Variants in APOB observed in about 807,000 individuals in gnomAD.
The protein encoded by APOB is apolipoprotein B-100.
A neutral mutation model predicts 314.1 loss-of-function variants in APOB; 153 were observed. The observed-to-expected ratio is 0.49, with a 90% confidence interval of 0.43 to 0.56. The LOEUF (loss-of-function observed/expected upper bound fraction) is 0.56, where lower values mean the gene tolerates loss of function less well. Ranked by LOEUF, APOB falls within the 20% of genes least tolerant of loss-of-function variation. APOB has a pLI of 0.00. For missense variants in APOB, 5,430 were observed against 5,350.7 expected, an observed-to-expected ratio of 1.01 and a Z score of -0.46; for synonymous variants, 2,087 against 2,036.4, an observed-to-expected ratio of 1.02 and a Z score of -0.67.
chr2:21,019,569 C>T (rs1481678829), intron 19 of APOB, among the ~76,000 whole-genome samples, 154 bp downstream of exon 19: 3 of 152,164 alleles, frequency 2.0e-5, no homozygotes, highest in Non-Finnish European at 4.4e-5. Context: ...AATGTGTTGG[C>T]CAGAGGACCC....
At chr2:21,017,551 T>C (rs1212542750) in intron 20 of APOB, among the ~76,000 whole-genome samples, 5 of 152,130 alleles carry the variant, frequency 3.3e-5, no homozygotes, top group Non-Finnish European at 2.9e-5. Context: ...AGGTCAGGAA[T>C]GCAAAGGCCC....
intron 20 of APOB, among the ~76,000 whole-genome samples, chr2:21,017,912 C>T (rs1019896024): frequency 1.3e-5 from 2 of 152,178 alleles, no homozygotes; most frequent in South Asian, 2.1e-4. Context: ...AAAGTGAACA[C>T]CTAAATGTGC....
At chr2:21,043,722 C>A in intron 1 of APOB, 142 bp downstream of exon 1, 10 of 1,506,990 alleles carry the variant, frequency 6.6e-6, no homozygotes, top group Non-Finnish European at 8.9e-6. Context: ...CCTGCAGGGG[C>A]CGCCAGCTGG....
In APOB at chr2:21,011,236, C is replaced by T. The variant is rs1663311396; in HGVS notation, c.5632G>A (p.Ala1878Thr). Residue 1878 changes from alanine to threonine, a missense_variant, in exon 26 of 29, where the codon GCC becomes ACC. Ala to Thr is a moderately conservative substitution (Grantham distance 58). Around this residue, in one of 3 missense-constraint regions of APOB, gnomAD observed 3,281 missense variants for 3,171.0 expected, o/e 1.03. Coordinates refer to ENST00000233242, the MANE Select transcript of APOB (RefSeq NM_000384.3). ...LNTDIAGLASAIDMSTNYNSD... is the reference protein window; with the variant it reads ...LNTDIAGLASTIDMSTNYNSD... ...TTATAGTTTGTGCTCATGTCAATGG[C>T]TGAAGCCAGCCCAGCGATGTCTGTG... 1.2e-6 allele frequency: 2 copies of T among 1,614,214 alleles called. No homozygotes were observed. Among genetic ancestry groups the T allele is most frequent in the Non-Finnish European group, 1.7e-6 (2 of 1,180,032 alleles).
Position 21,008,784 on chromosome 2 carries a change from T to C in APOB, c.8084A>G (p.Asp2695Gly). 3 of 1,614,046 alleles carry C rather than the reference T, an allele frequency of 1.9e-6. No homozygotes were observed. Among genetic ancestry groups the C allele is most frequent in the Non-Finnish European group, 2.5e-6 (3 of 1,179,956 alleles). ...TAGAGGAATGTCCTCCACCTTCAGA[T>C]CCCTGAGATATATATCTGGAACGGG... ...QWPVPDIYLR[D>G]LKVEDIPLAR... Residue 2695 changes from aspartate to glycine, a missense_variant, in exon 26 of 29, where the codon GAT (aspartate) becomes GGT (glycine). Transcript: ENST00000233242.
At chr2:21,039,721 G>A (rs1664087480) in intron 4 of APOB, among the ~76,000 whole-genome samples, 1 of 152,116 alleles carries the variant, frequency 6.6e-6, no homozygotes, top group Non-Finnish European at 1.5e-5. Flanking sequence ...AACATGGAAA[G>A]CCCTCCTTTT....
chr2:21,017,823 C>T (rs1445549546), intron 20 of APOB, among the ~76,000 whole-genome samples: 1 of 152,222 alleles, frequency 6.6e-6, no homozygotes, highest in South Asian at 2.1e-4. Context: ...GCGTGCCCTG[C>T]TCCTCCAGTG....
chr2:21,041,025 A>G lies in APOB; in HGVS notation c.296T>C (p.Leu99Pro). ...SFILKTSQCT[L>P]KEVYGFNPEG... is the part of the protein sequence containing the mutation. ...AGGGTTGAAGCCATACACCTCTTTC[A>G]GGGTGCACTGGCTGGTCTTCAGGAT... Residue 99 changes from leucine (L) to proline (P), a missense_variant, in exon 4 of 29, where the codon CTG becomes CCG. Leu to Pro is a moderately conservative substitution (Grantham distance 98, BLOSUM62 -3). Transcript: ENST00000233242. The G allele has an allele frequency of 1.2e-6, 2 of 1,613,584 alleles. No individual in the cohort carries two copies. The highest frequency in any genetic ancestry group is 1.7e-6 in the Non-Finnish European group (2 of 1,179,912).
intron 10 of APOB, among the ~76,000 whole-genome samples, chr2:21,032,014 T>A (rs1021466222): frequency 1.3e-5 from 2 of 152,206 alleles, no homozygotes; most frequent in Non-Finnish European, 1.5e-5. Flanking sequence ...GAAAATAAGA[T>A]GAATTAATGG....
chr2:21,010,263 A>T lies in APOB; in HGVS notation c.6605T>A (p.Ile2202Asn). 6.4e-7 allele frequency: 1 copy of T among 1,555,962 alleles called. No individual in the cohort carries two copies. ...TTTTAATTTTTCAATGATTTCATCA[A>T]TAATATTAGCAATAGCTATTTTCAA... ...HDLKIAIANI[I>N]DEIIEKLKSL... Residue 2202 changes from isoleucine (I) to asparagine (N), a missense_variant, in exon 26 of 29, where the codon ATT becomes AAT. Ile to Asn is a moderately radical substitution (Grantham distance 149). Coordinates refer to ENST00000233242, the MANE Select transcript of APOB (RefSeq NM_000384.3).
rs777899811 is a variant in APOB at position 21,015,357 on chromosome 2, A to G, written c.3508+13T>C. 1 of 1,614,172 alleles carries G rather than the reference A, an allele frequency of 6.2e-7. No homozygotes were observed. The highest frequency in any genetic ancestry group is 1.1e-5 in the South Asian group (1 of 91,084). On this transcript the variant is annotated intron_variant, in intron 22 of 28. Transcript: ENST00000233242. ...TACTTTGGAAGTGCTCACACAGGGG[A>G]AGAGACACATACCATAATGCCATGC... is the stretch of plus-strand genomic sequence containing the variant.
chr2:21,043,620 G>C, intron 1 of APOB, 69 bp from the exon 2 acceptor site: 1 of 1,553,474 alleles, frequency 6.4e-7, no homozygotes, highest in Non-Finnish European at 8.7e-7. Flanking sequence ...GCCCGACAGG[G>C]GGACCACCGG....
chr2:21,014,586 C>T lies in APOB; in HGVS notation c.3704G>A (p.Ser1235Asn), dbSNP rs1300334710. The T allele has an allele frequency of 6.2e-7, 1 of 1,614,002 alleles. No individual in the cohort carries two copies. The highest frequency in any genetic ancestry group is 1.7e-5 in the Admixed American group (1 of 60,016). The change falls in exon 24 of 29, where the codon AGC (serine) becomes AAC (asparagine). Residue 1235 changes from serine (S) to asparagine (N), a missense_variant. By Grantham distance (46) the Ser-to-Asn change is conservative (BLOSUM62 1). Coordinates refer to ENST00000233242, the MANE Select transcript of APOB (RefSeq NM_000384.3). ...CCCAGATGCCTTCTGAAGCCATGAG[C>T]TCATTGCCTACAAAATGACAGGAGA... is the stretch of plus-strand genomic sequence containing the variant. Reference protein sequence around the residue: ...HVGSKLIVAMSSWLQKASGSL... With the variant: ...HVGSKLIVAMNSWLQKASGSL...
chr2:21,033,370 C>T lies in APOB; in HGVS notation c.1053G>A (p.Leu351=). The stretch of plus-strand genomic sequence containing the variant: ...CACTGAGGCCTCTCAGCTCAGTAAC[C>T]AGCTTATTGAAGAGATTAGCTCTCT... ...NIQRANLFNK[L]VTELRGLSDE... Residue 351 remains leucine (L), a synonymous_variant, in exon 9 of 29, where the codon CTG becomes CTA. Transcript: ENST00000233242. 2 of 1,614,166 alleles carry T rather than the reference C, an allele frequency of 1.2e-6. No homozygotes were observed. Among genetic ancestry groups the T allele is most frequent in the Non-Finnish European group, 1.7e-6 (2 of 1,180,022 alleles).
At position 21,016,799 on chromosome 2, in the gene APOB, A is replaced by G. The variant is rs557565976; in HGVS notation, c.3122-150T>C. 9.5e-5 allele frequency: 64 copies of G among 672,678 alleles called. No individual in the cohort carries two copies. In the East Asian group the frequency reaches 1.7e-3, roughly 18 times the overall value. The allele number at this position is 672,678 out of a possible 1,614,324, so 41.7% of individuals were successfully genotyped here. Reference sequence around the variant, plus strand: ...GGAGATCAAGACCATTCTGGCTAACATGGTGAAACCCCGTCTCTACTAAAA... The same window carrying G: ...GGAGATCAAGACCATTCTGGCTAACGTGGTGAAACCCCGTCTCTACTAAAA... On this transcript the variant is annotated intron_variant, in intron 20 of 28. Transcript: ENST00000233242.
Position 21,010,068 on chromosome 2 carries a change from TG to T in APOB, c.6799del (p.Gln2267SerfsTer10). 1.2e-6 allele frequency: 2 copies of T among 1,613,592 alleles called. No individual in the cohort carries two copies. Among genetic ancestry groups the T allele is most frequent in the Non-Finnish European group, 1.7e-6 (2 of 1,179,900 alleles). On this transcript the variant is annotated frameshift_variant, in exon 26 of 29. Coordinates refer to ENST00000233242, the MANE Select transcript of APOB (RefSeq NM_000384.3). LOFTEE classifies it high-confidence loss of function. ...ATTCTGTATGTGTCTCTTAAGCTGC[TG>T]CAGTTTTTCTTGTATCTGGATTCTG... ...QIRIQIQEKLQQLKRHIQNID... is the reference protein window; with the variant it reads ...QIRIQIQEKLXQLKRHIQNID...
At chr2:21,021,830 A>G (rs1266548599) in intron 18 of APOB, among the ~76,000 whole-genome samples, 1 of 152,238 alleles carries the variant, frequency 6.6e-6, no homozygotes, top group Non-Finnish European at 1.5e-5. Flanking sequence ...TCTATAACTT[A>G]GCCCTTACTC....
At position 21,029,432 on chromosome 2, in the gene APOB, A is replaced by G. The variant is rs146536216; in HGVS notation, c.1617+207T>C. ...ATGCCACTGCACTCCAGCCTGGGCA[A>G]TAGAGTGAGATTCCATCTCGAAAGA... On this transcript the variant is annotated intron_variant, in intron 12 of 28. Transcript: ENST00000233242. Among the ~76,000 whole-genome samples, 1,285 of 152,044 alleles carry G rather than the reference A, an allele frequency of 8.5e-3. 6 individuals carry two copies. Among genetic ancestry groups the G allele is most frequent in the African/African-American group, 0.013 (545 of 41,468 alleles).
At chr2:21,032,248 G>C (rs1663898148) in intron 10 of APOB, 106 bp downstream of exon 10, 2 of 996,436 alleles carry the variant, frequency 2.0e-6, no homozygotes, top group Non-Finnish European at 3.2e-6. Context: ...AGAGTAAGGA[G>C]CAGAGTTTGA....
Sources: gnomAD v4.1 joint callset for allele counts (sites outside exome capture counted in the v4.1 genomes callset) on GRCh38, gnomAD v4.1.1 for gene constraint, gnomAD v4.1.1 regional missense constraint, MANE v1.5 for transcripts, NCBI Gene and HGNC (gene_info 2026-07-23, HGNC 2026-07-21) for gene names.